The following NLGN1 variants were observed in gnomAD, a reference collection of about 807,000 sequenced individuals.
NLGN1 encodes the protein neuroligin 1.
Under a neutral mutation model 65.5 loss-of-function variants are expected in NLGN1, and 12 were observed. The ratio of observed to expected loss-of-function variants is 0.18; its 90% confidence interval spans 0.12 to 0.30. The LOEUF is 0.30. Among genes scored for constraint, NLGN1 ranks in the 10% least tolerant of loss-of-function variants. NLGN1 has a pLI of 1.00. For missense variants in NLGN1, 750 were observed against 1,007.1 expected (o/e 0.74, Z 3.46); for synonymous variants, 350 against 359.5 (o/e 0.97, Z 0.30).
chr3:173,982,797 A>T (rs1171809429), intron 4 of NLGN1, among the ~76,000 whole-genome samples: 2 of 152,160 alleles, frequency 1.3e-5, no homozygotes, highest in Non-Finnish European at 2.9e-5. Flanking sequence ...ATTGTAGTTT[A>T]CAGTAAAACA....
At chr3:174,232,004 G>T (rs1203545842) in intron 4 of NLGN1, among the ~76,000 whole-genome samples, 1 of 152,190 alleles carries the variant, frequency 6.6e-6, no homozygotes, top group Non-Finnish European at 1.5e-5. Flanking sequence ...GAATAATGAA[G>T]GAGCCAAGAA....
chr3:173,903,129 T>C (rs886287531), intron 4 of NLGN1, among the ~76,000 whole-genome samples: 1 of 152,096 alleles, frequency 6.6e-6, no homozygotes, highest in Non-Finnish European at 1.5e-5. Context: ...AGAAAAGGCA[T>C]TGAGTGTTCT....
chr3:173,785,002 CAAAT>C (rs1051103620), intron 3 of NLGN1, among the ~76,000 whole-genome samples: 3 of 149,936 alleles, frequency 2.0e-5, no homozygotes, highest in African/African-American at 7.4e-5. Context: ...TAACACAAAA[CAAAT>C]ATATAGACAG....
At chr3:174,195,183 A>G (rs1355579605) in intron 4 of NLGN1, among the ~76,000 whole-genome samples, 1 of 152,172 alleles carries the variant, frequency 6.6e-6, no homozygotes, top group Non-Finnish European at 1.5e-5. Flanking sequence ...TTTTACTCAC[A>G]GTCATAGCTA....
intron 4 of NLGN1, among the ~76,000 whole-genome samples, chr3:174,051,835 A>G (rs917057672): frequency 6.6e-6 from 1 of 152,016 alleles, no homozygotes; most frequent in Non-Finnish European, 1.5e-5. Context: ...TCACAGGCAG[A>G]TTGGCCTCAT....
At chr3:174,055,348 A>G (rs1360752709) in intron 4 of NLGN1, among the ~76,000 whole-genome samples, 5 of 151,900 alleles carry the variant, frequency 3.3e-5, no homozygotes, top group African/African-American at 9.7e-5. Context: ...ATTTTGAACC[A>G]ACGTTGGAAA....
Position 174,280,061 on chromosome 3 carries a change from G to A in NLGN1, c.1649+411G>A, listed in dbSNP as rs1414715960. The stretch of plus-strand genomic sequence containing the variant: ...ACAAGAAGGAGACCTGAGGCTCTGT[G>A]AGTGTCATAGAGATGTTCACATGTC... On this transcript the variant is annotated intron_variant, in intron 6 of 6. Transcript: ENST00000457714. This position sits in a 1 kb window ranked among gnomAD's most constrained non-coding sequence, Gnocchi z 4.9. Among the ~76,000 whole-genome samples the A allele has an allele frequency of 6.6e-6, 1 of 151,950 alleles. No individual in the cohort carries two copies. The highest frequency in any genetic ancestry group is 2.4e-5 in the African/African-American group (1 of 41,412).
intron 2 of NLGN1, among the ~76,000 whole-genome samples, chr3:173,444,514 A>G (rs1719810437): frequency 6.6e-6 from 1 of 152,244 alleles, no homozygotes; most frequent in Non-Finnish European, 1.5e-5. Context: ...AAAAATTACA[A>G]CTATTAATTT....
At chr3:174,133,994 A>G (rs974836849) in intron 4 of NLGN1, among the ~76,000 whole-genome samples, 3 of 151,842 alleles carry the variant, frequency 2.0e-5, no homozygotes, top group Non-Finnish European at 2.9e-5. Context: ...TACCTGGACA[A>G]AGCTTTAAAG....
intron 2 of NLGN1, among the ~76,000 whole-genome samples, chr3:173,505,321 TG>T (rs1731838506): frequency 6.6e-6 from 1 of 152,130 alleles, no homozygotes; most frequent in Non-Finnish European, 1.5e-5. Flanking sequence ...CAGATTGTAA[TG>T]GAGCTCCATG....
intron 4 of NLGN1, among the ~76,000 whole-genome samples, chr3:174,134,815 G>T (rs1376074751): frequency 1.3e-5 from 2 of 152,066 alleles, no homozygotes; most frequent in African/African-American, 4.8e-5. Flanking sequence ...GACACAAGTG[G>T]GTGCCCAGGT....
chr3:173,763,051 C>T (rs764029250), intron 3 of NLGN1, among the ~76,000 whole-genome samples: 7 of 151,612 alleles, frequency 4.6e-5, no homozygotes, highest in Non-Finnish European at 7.4e-5. Flanking sequence ...ACAGACTGCA[C>T]CCTTTTTCTT....
exon 5 of NLGN1, chr3:174,275,459 G>A: frequency 6.2e-7 from 1 of 1,612,580 alleles, no homozygotes; most frequent in Non-Finnish European, 8.5e-7. Flanking sequence ...GGTGCTGGGG[G>A]TTCATGTGTC....
At chr3:173,997,585 G>A (rs1431919721) in intron 4 of NLGN1, among the ~76,000 whole-genome samples, 1 of 152,046 alleles carries the variant, frequency 6.6e-6, no homozygotes. Context: ...ACTGAGCTCT[G>A]ACTGTGTTCC....
At chr3:173,755,617 C>A (rs906300430) in intron 3 of NLGN1, among the ~76,000 whole-genome samples, 1 of 151,922 alleles carries the variant, frequency 6.6e-6, no homozygotes, top group Non-Finnish European at 1.5e-5. Flanking sequence ...AGATGAGTGG[C>A]AAGGTTGGAG....
At chr3:174,001,966 A>G (rs114723117) in intron 4 of NLGN1, among the ~76,000 whole-genome samples, 2,781 of 152,050 alleles carry the variant, frequency 0.018, 65 homozygotes, top group African/African-American at 0.061. Context: ...AAGAAATGCT[A>G]TGACATGGAT....
rs758416340 is a variant in NLGN1, at chr3:173,797,699, CA to C, written c.494-9972del. ...AAAAATAAAACAACAACAACAACAACAAAAAAAAACAAGAAACAAACAAGCA... is the reference window on the plus strand; with the variant it reads ...AAAAATAAAACAACAACAACAACAACAAAAAAAACAAGAAACAAACAAGCA... On this transcript the variant is annotated intron_variant, in intron 3 of 6. Coordinates refer to ENST00000457714, the Ensembl canonical transcript of NLGN1. Among the ~76,000 whole-genome samples, 256 of 147,282 alleles carry C rather than the reference CA, an allele frequency of 1.7e-3. 2 individuals carry two copies. In the East Asian group the frequency reaches 0.017, roughly 10 times the overall value.
At chr3:174,270,027 TTTTG>T (rs991318974) in intron 4 of NLGN1, among the ~76,000 whole-genome samples, 2 of 151,736 alleles carry the variant, frequency 1.3e-5, no homozygotes, top group African/African-American at 4.8e-5. Flanking sequence ...TATTTGGGTT[TTTTG>T]TTGTTGTTGT....
At chr3:174,071,830 C>A (rs1739949702) in intron 4 of NLGN1, among the ~76,000 whole-genome samples, 1 of 151,934 alleles carries the variant, frequency 6.6e-6, no homozygotes, top group Non-Finnish European at 1.5e-5. Context: ...TGTTTTCTGA[C>A]CGAAACCGTA....
Sources: gnomAD v4.1 joint callset for allele counts (sites outside exome capture counted in the v4.1 genomes callset) on GRCh38, gnomAD v4.1.1 for gene constraint, Gnocchi (gnomAD v3.1) non-coding constraint, MANE v1.5 for transcripts, NCBI Gene and HGNC (gene_info 2026-07-23, HGNC 2026-07-21) for gene names.